SCARA5: variants seen among roughly 807,000 people sequenced by gnomAD.
The protein encoded by SCARA5 is scavenger receptor class A, member 5 (putative).
In SCARA5, 45 loss-of-function variants were observed where a neutral mutation model predicts 46.3. The ratio of observed to expected loss-of-function variants is 0.97; its 90% CI spans 0.76 to 1.24. SCARA5 has a LOEUF of 1.24. Among genes scored for constraint, SCARA5 ranks in the 50% most tolerant of loss-of-function variants. SCARA5 has a pLI of 0.00. For missense variants in SCARA5, 680 were observed against 689.0 expected, an observed-to-expected ratio of 0.99 and a Z score of 0.15; for synonymous variants, 333 against 306.5, an observed-to-expected ratio of 1.09 and a Z score of -0.90.
chr8:27,968,564 G>T (rs1808403248), intron 2 of SCARA5, among the ~76,000 whole-genome samples: 1 of 152,152 alleles, frequency 6.6e-6, no homozygotes, highest in African/African-American at 2.4e-5. Context: ...CTGTCTGGTT[G>T]CAACTTACCA....
chr8:27,891,235 T>A (rs1806977198), intron 7 of SCARA5, among the ~76,000 whole-genome samples: 1 of 150,666 alleles, frequency 6.6e-6, no homozygotes, highest in Admixed American at 6.7e-5. Flanking sequence ...TGGAGGAGTC[T>A]CGCTCTGTCA....
At chr8:27,987,428 G>A in intron 2 of SCARA5, 76 bp downstream of exon 2, 1 of 929,630 alleles carries the variant, frequency 1.1e-6, no homozygotes, top group African/African-American at 1.6e-5. Context: ...GCAATGCCAA[G>A]GTTGGGTGGT....
In SCARA5 at chr8:27,989,828, C is replaced by T. The variant is rs149981829; in HGVS notation, c.-15-2198G>A. Among the ~76,000 whole-genome samples, 351 of 152,334 alleles carry T rather than the reference C, an allele frequency of 2.3e-3. 1 individual carries two copies. Among genetic ancestry groups the T allele is most frequent in the Non-Finnish European group, 4.3e-3 (294 of 68,014 alleles). On this transcript the variant is annotated intron_variant, in intron 1 of 8. Transcript: ENST00000354914. ...CCCAGGCAGGGCCTCTAGGTGGGGCCGCGGGCAGCTCCAGCACTGCTAAGT... is the reference window on the plus strand; with the variant it reads ...CCCAGGCAGGGCCTCTAGGTGGGGCTGCGGGCAGCTCCAGCACTGCTAAGT...
intron 3 of SCARA5, among the ~76,000 whole-genome samples, chr8:27,958,316 C>A (rs530100012): frequency 3.5e-4 from 54 of 152,338 alleles, no homozygotes; most frequent in African/African-American, 1.3e-3. Flanking sequence ...CTTCCGGGGT[C>A]TGAGGTGAGA....
chr8:27,931,016 T>C (rs1807764242), intron 3 of SCARA5, among the ~76,000 whole-genome samples: 1 of 152,212 alleles, frequency 6.6e-6, no homozygotes, highest in South Asian at 2.1e-4. Flanking sequence ...TTCCTTCAGG[T>C]GGCAGGCAAA....
chr8:27,986,289 C>G lies in SCARA5; in HGVS notation c.112+1215G>C, dbSNP rs537571542. Among the ~76,000 whole-genome samples, 5 of 152,322 alleles carry G rather than the reference C, an allele frequency of 3.3e-5. No individual in the cohort carries two copies. In the East Asian group the frequency reaches 9.6e-4, roughly 29 times the overall value. The stretch of plus-strand genomic sequence containing the variant: ...ACATCTTCTCTTAGACAATCTCCTT[C>G]AGTCTTCCAGCCCTTTTCCAGAAAG... On this transcript the variant is annotated intron_variant, in intron 2 of 8. Coordinates refer to ENST00000354914, the MANE Select transcript of SCARA5 (RefSeq NM_173833.6).
At chr8:27,983,980 C>A (rs1808662195) in intron 2 of SCARA5, among the ~76,000 whole-genome samples, 1 of 152,192 alleles carries the variant, frequency 6.6e-6, no homozygotes, top group Non-Finnish European at 1.5e-5. Flanking sequence ...GGACTTGGAG[C>A]TTGTCCTGGA....
chr8:27,962,030 G>A (rs1474512385), intron 3 of SCARA5, among the ~76,000 whole-genome samples: 1 of 152,124 alleles, frequency 6.6e-6, no homozygotes. Flanking sequence ...AAAGAATTAA[G>A]GCAATTCACA....
At chr8:27,933,530 A>AAAT (rs1454043223) in intron 3 of SCARA5, among the ~76,000 whole-genome samples, 2,230 of 150,858 alleles carry the variant, frequency 0.015, 75 homozygotes, top group African/African-American at 0.052. Flanking sequence ...TTAAAAAAAA[A>AAAT]AAAAAAAGAG....
intron 7 of SCARA5, among the ~76,000 whole-genome samples, chr8:27,889,950 T>A (rs1435679585): frequency 1.3e-5 from 2 of 152,012 alleles, no homozygotes; most frequent in African/African-American, 4.8e-5. Context: ...TAATTCTTTA[T>A]GTATATTTTA....
intron 2 of SCARA5, among the ~76,000 whole-genome samples, chr8:27,978,696 G>T (rs985167745): frequency 2.6e-5 from 4 of 151,956 alleles, no homozygotes; most frequent in Non-Finnish European, 5.9e-5. Context: ...TTTTTTGTAG[G>T]TTGGAGGTCT....
intron 7 of SCARA5, among the ~76,000 whole-genome samples, chr8:27,883,208 T>C (rs10109302): frequency 0.78 from 118,501 of 152,168 alleles, 46,221 homozygotes; most frequent in Non-Finnish European, 0.8. Flanking sequence ...TTACAATGCA[T>C]TGGTTCTCCA....
chr8:27,989,027 T>C lies in SCARA5; in HGVS notation c.-15-1397A>G, dbSNP rs576562612. Among the ~76,000 whole-genome samples, 49 of 150,572 alleles carry C rather than the reference T, an allele frequency of 3.3e-4. 1 individual carries two copies. In the South Asian group the frequency reaches 0.01, roughly 32 times the overall value. ...AAGGAGGCGTGGCAACTTTCATAAA[T>C]AGACATAATCAGGGAAGGCGGCTGG... On this transcript the variant is annotated intron_variant, in intron 1 of 8. Transcript: ENST00000354914.
chr8:27,898,726 G>T (rs144397621), intron 7 of SCARA5, among the ~76,000 whole-genome samples: 3 of 152,322 alleles, frequency 2.0e-5, no homozygotes, highest in Non-Finnish European at 4.4e-5. Flanking sequence ...GATTGTCAGG[G>T]AAATCAACCA....
chr8:27,982,983 C>CAA (rs1808647401), intron 2 of SCARA5, among the ~76,000 whole-genome samples: 1 of 152,110 alleles, frequency 6.6e-6, no homozygotes, highest in Non-Finnish European at 1.5e-5. Context: ...AGAGGAGGGT[C>CAA]CCTTCCTCTG....
chr8:27,874,518 T>C (rs1198447977), intron 8 of SCARA5, among the ~76,000 whole-genome samples: 1 of 152,214 alleles, frequency 6.6e-6, no homozygotes, highest in Non-Finnish European at 1.5e-5. Flanking sequence ...ACCCATTTGA[T>C]TGCATATTGG....
intron 7 of SCARA5, among the ~76,000 whole-genome samples, chr8:27,899,574 C>T (rs1807117791): frequency 6.6e-6 from 1 of 152,222 alleles, no homozygotes; most frequent in African/African-American, 2.4e-5. Context: ...GTGCAAAGGG[C>T]CACCAGGGAC....
chr8:27,921,823 C>T lies in SCARA5; in HGVS notation c.664G>A (p.Asp222Asn), dbSNP rs373937854. The T allele has an allele frequency of 7.8e-6, 12 of 1,547,334 alleles. No individual in the cohort carries two copies. In the East Asian group the frequency reaches 9.6e-5, roughly 12 times the overall value. Residue 222 changes from aspartate to asparagine, a missense_variant, in exon 4 of 9, where the codon GAC becomes AAC. Physicochemically the swap from Asp to Asn is conservative, Grantham distance 23 (BLOSUM62 1). Transcript: ENST00000354914. ...AGGCCGCGCAGCACGCCGCCCACGT[C>T]GGCCAGCTCCTCGCCCAGGATGCCC... ...RVGILGEELA[D>N]VGGVLRGLNH... is the part of the protein sequence containing the mutation.
intron 1 of SCARA5, among the ~76,000 whole-genome samples, chr8:27,989,365 C>T (rs1228566979): frequency 6.6e-6 from 1 of 151,944 alleles, no homozygotes; most frequent in Non-Finnish European, 1.5e-5. Context: ...TGGAGTCAAG[C>T]GCTCCACTGG....
Sources: gnomAD v4.1 joint callset for allele counts (sites outside exome capture counted in the v4.1 genomes callset) on GRCh38, gnomAD v4.1.1 for gene constraint, MANE v1.5 for transcripts, NCBI Gene and HGNC (gene_info 2026-07-23, HGNC 2026-07-21) for gene names.